Variants in TNNI3K observed in about 807,000 individuals in gnomAD.
TNNI3K encodes the protein TNNI3 interacting kinase.
TNNI3K carries 140 observed loss-of-function variants against 114.5 expected under a neutral mutation model. The observed-to-expected ratio is 1.22, with a 90% CI of 1.07 to 1.41. The LOEUF is 1.41. TNNI3K is among the 40% of genes most tolerant of loss of function. The probability of loss-of-function intolerance (pLI) is 0.00; values close to 1 mark genes in which losing one functional copy is unlikely to be tolerated. For missense variants in TNNI3K, 1,125 were observed against 1,007.6 expected, an observed-to-expected ratio of 1.12 and a Z score of -1.58; for synonymous variants, 347 against 347.5, an observed-to-expected ratio of 1.00 and a Z score of 0.02.
At chr1:74,313,823 C>T (rs1207095419) in intron 5 of TNNI3K, among the ~76,000 whole-genome samples, 2 of 151,952 alleles carry the variant, frequency 1.3e-5, no homozygotes, top group African/African-American at 4.8e-5. Context: ...TTAGGTAGGG[C>T]TTTTGCTTAC....
intron 17 of TNNI3K, among the ~76,000 whole-genome samples, chr1:74,387,600 A>G (rs1369847252): frequency 2.6e-5 from 4 of 152,234 alleles, no homozygotes; most frequent in Non-Finnish European, 5.9e-5. Context: ...GCTTTGGTCA[A>G]CAATACAGAG....
At position 74,260,097 on chromosome 1, in the gene TNNI3K, A is replaced by T. The variant is rs191205071; in HGVS notation, c.333+9328A>T. Among the ~76,000 whole-genome samples, 269 of 152,332 alleles carry T rather than the reference A, an allele frequency of 1.8e-3. 6 individuals carry two copies. Among genetic ancestry groups the T allele is most frequent in the Admixed American group, 0.017 (259 of 15,302 alleles). ...GATGCAAAATTATTACTTATTTAAA[A>T]CCAAGATAAACTGAGTTTTATTGAA... is the stretch of plus-strand genomic sequence containing the variant. On this transcript the variant is annotated intron_variant, in intron 4 of 24. Coordinates refer to ENST00000326637, the MANE Select transcript of TNNI3K (RefSeq NM_015978.3).
At chr1:74,343,208 C>T in intron 9 of TNNI3K, 29 bp downstream of exon 9, 1 of 1,581,210 alleles carries the variant, frequency 6.3e-7, no homozygotes, top group Non-Finnish European at 8.6e-7. Flanking sequence ...GCAATAGCCA[C>T]TAAACTTAGC....
rs77318912 is a variant in TNNI3K, at chr1:74,400,286, C to T, written c.1772+29894C>T. ...ACCCACCTAGGATTACTATAACTAC[C>T]GATCCCACTACTTCCTTTAATCCAC... On this transcript the variant is annotated intron_variant, in intron 17 of 24. Transcript: ENST00000326637. Among the ~76,000 whole-genome samples, 987 of 152,216 alleles carry T rather than the reference C, an allele frequency of 6.5e-3. 10 individuals carry two copies. The highest frequency in any genetic ancestry group is 0.023 in the African/African-American group (948 of 41,536).
chr1:74,329,502 A>G (rs1158573492), intron 5 of TNNI3K, among the ~76,000 whole-genome samples: 1 of 152,114 alleles, frequency 6.6e-6, no homozygotes, highest in Non-Finnish European at 1.5e-5. Flanking sequence ...CGGATTTTTC[A>G]ATAAAAATTC....
chr1:74,239,798 G>A (rs1206411897), intron 2 of TNNI3K, among the ~76,000 whole-genome samples: 1 of 152,142 alleles, frequency 6.6e-6, no homozygotes, highest in African/African-American at 2.4e-5. Flanking sequence ...AGTGCTAAAT[G>A]TAAGACAGAA....
intron 21 of TNNI3K, among the ~76,000 whole-genome samples, chr1:74,481,950 T>TA (rs1324377110): frequency 1.3e-5 from 2 of 152,130 alleles, no homozygotes; most frequent in Admixed American, 6.5e-5. Flanking sequence ...ACAAAGAGAT[T>TA]AAAAAATACG....
chr1:74,335,313 C>G (rs901631036), intron 6 of TNNI3K, among the ~76,000 whole-genome samples: 3 of 152,094 alleles, frequency 2.0e-5, no homozygotes, highest in Non-Finnish European at 4.4e-5. Context: ...TAAACTGCAC[C>G]TTAACTCTTA....
At chr1:74,375,507 C>G in intron 17 of TNNI3K, 1 of 451,046 alleles carries the variant, frequency 2.2e-6, no homozygotes, top group Non-Finnish European at 4.5e-6. Context: ...CCCCAGATTG[C>G]TTCTGGGGAT....
At chr1:74,250,333 C>T (rs919901188) in intron 3 of TNNI3K, among the ~76,000 whole-genome samples, 13 of 152,156 alleles carry the variant, frequency 8.5e-5, no homozygotes, top group Non-Finnish European at 1.5e-5. Context: ...GATAAATCCT[C>T]TACAATTAGA....
At chr1:74,310,609 C>G (rs1392308401) in intron 5 of TNNI3K, among the ~76,000 whole-genome samples, 2 of 151,968 alleles carry the variant, frequency 1.3e-5, no homozygotes, top group African/African-American at 4.8e-5. Context: ...GGTACTGGTA[C>G]AAAGATAGGC....
chr1:74,300,859 A>G (rs1658282531), intron 5 of TNNI3K, among the ~76,000 whole-genome samples: 1 of 152,142 alleles, frequency 6.6e-6, no homozygotes, highest in Non-Finnish European at 1.5e-5. Flanking sequence ...ATCAAACTCT[A>G]CATTTCTTTC....
chr1:74,467,569 G>A (rs147427729), intron 21 of TNNI3K, among the ~76,000 whole-genome samples: 108 of 151,742 alleles, frequency 7.1e-4, no homozygotes, highest in African/African-American at 2.6e-3. Context: ...TGAAATTATG[G>A]CAATTATATT....
intron 12 of TNNI3K, 59 bp from the exon 13 acceptor site, chr1:74,367,849 C>T: frequency 1.3e-6 from 2 of 1,489,912 alleles, no homozygotes; most frequent in South Asian, 2.6e-5. Context: ...TAATGTTGAA[C>T]TTTTATGTAG....
chr1:74,369,121 T>G lies in TNNI3K; in HGVS notation c.1414+7T>G. On this transcript the variant is annotated splice_region_variant and intron_variant, in intron 14 of 24. Transcript: ENST00000326637. ...CATGAGATTATTGGCTCAGGTAACC[T>G]AAAATAAATAAATAAATAAAGGTCC... 1 of 1,601,192 alleles carries G rather than the reference T, an allele frequency of 6.2e-7. No homozygotes were observed. The highest frequency in any genetic ancestry group is 8.5e-7 in the Non-Finnish European group (1 of 1,175,278).
At chr1:74,370,258 A>T in intron 16 of TNNI3K, 30 bp from the exon 17 acceptor site, 1 of 1,543,412 alleles carries the variant, frequency 6.5e-7, no homozygotes, top group Non-Finnish European at 8.8e-7. Flanking sequence ...TGACCATTTC[A>T]TCTCTGTTAA....
At chr1:74,482,638 G>A (rs532906207) in intron 21 of TNNI3K, among the ~76,000 whole-genome samples, 1 of 152,226 alleles carries the variant, frequency 6.6e-6, no homozygotes, top group East Asian at 1.9e-4. Context: ...TTTTCCATTG[G>A]CAGAGCTTAT....
At chr1:74,281,599 T>A (rs1657020716) in intron 5 of TNNI3K, among the ~76,000 whole-genome samples, 1 of 152,166 alleles carries the variant, frequency 6.6e-6, no homozygotes, top group South Asian at 2.1e-4. Flanking sequence ...TTATTCAAGT[T>A]TCTTTTTCGA....
chr1:74,439,766 A>C, intron 20 of TNNI3K, 144 bp downstream of exon 20: 2 of 1,321,556 alleles, frequency 1.5e-6, no homozygotes, highest in Non-Finnish European at 2.0e-6. Flanking sequence ...AATTGTTTTA[A>C]GGTGTGTGCC....
Sources: allele counts gnomAD v4.1 joint callset (sites outside exome capture counted in the v4.1 genomes callset), GRCh38; gene constraint gnomAD v4.1.1; transcripts MANE v1.5; gene names NCBI Gene and HGNC (gene_info 2026-07-23, HGNC 2026-07-21).